DOCK2: variants seen among roughly 807,000 people sequenced by gnomAD.
The protein encoded by DOCK2 is dedicator of cytokinesis protein 2.
In DOCK2, 87 loss-of-function variants were observed where a neutral mutation model predicts 248.9. That is an observed-to-expected ratio of 0.35 (90% CI 0.29 to 0.42). The LOEUF (loss-of-function observed/expected upper bound fraction) is 0.42, where lower values mean the gene tolerates loss of function less well. DOCK2 is among the 10% of genes least tolerant of loss of function. The pLI is 1.00. For synonymous variants in DOCK2, 805 were observed against 821.6 expected (o/e 0.98, Z 0.35); for missense variants, 1,747 against 2,300.2 (o/e 0.76, Z 4.92).
intron 32 of DOCK2, among the ~76,000 whole-genome samples, chr5:170,013,849 C>A (rs143395084): frequency 6.6e-6 from 1 of 152,098 alleles, no homozygotes; most frequent in Non-Finnish European, 1.5e-5. Flanking sequence ...GGTTAAAACC[C>A]GAATCAGGTT....
At chr5:169,976,685 G>A (rs1777728935) in intron 27 of DOCK2, among the ~76,000 whole-genome samples, 1 of 152,202 alleles carries the variant, frequency 6.6e-6, no homozygotes, top group South Asian at 2.1e-4. Context: ...TGAAGAGTGT[G>A]TAATGAATTC....
At chr5:169,848,114 C>G (rs1770420112) in intron 27 of DOCK2, among the ~76,000 whole-genome samples, 1 of 152,160 alleles carries the variant, frequency 6.6e-6, no homozygotes, top group Admixed American at 6.5e-5. Context: ...AGAAAACTTG[C>G]TGCCAATTAT....
At chr5:169,820,070 T>C (rs1253010584) in intron 26 of DOCK2, among the ~76,000 whole-genome samples, 1 of 151,704 alleles carries the variant, frequency 6.6e-6, no homozygotes, top group Non-Finnish European at 1.5e-5. Flanking sequence ...GCGAGACTGG[T>C]GGAGGGGCGC....
At chr5:169,987,207 A>G (rs1778089534) in intron 29 of DOCK2, among the ~76,000 whole-genome samples, 1 of 152,200 alleles carries the variant, frequency 6.6e-6, no homozygotes, top group African/African-American at 2.4e-5. Context: ...TGTATTTTCA[A>G]CCACAATAGA....
chr5:169,811,540 C>G (rs982032876), intron 26 of DOCK2, among the ~76,000 whole-genome samples: 2 of 152,186 alleles, frequency 1.3e-5, no homozygotes, highest in Non-Finnish European at 2.9e-5. Context: ...CTGCTGTGAC[C>G]AAGGCTGCTT....
At chr5:169,783,611 T>G (rs1354787783) in intron 25 of DOCK2, among the ~76,000 whole-genome samples, 1 of 152,166 alleles carries the variant, frequency 6.6e-6, no homozygotes, top group East Asian at 1.9e-4. Flanking sequence ...ATTATCAGTT[T>G]GAAGTTAGAG....
intron 26 of DOCK2, among the ~76,000 whole-genome samples, chr5:169,833,181 CA>C (rs1438328551): frequency 1.3e-5 from 2 of 152,068 alleles, no homozygotes; most frequent in Non-Finnish European, 2.9e-5. Flanking sequence ...AAACCTTAGA[CA>C]TTTACATGAC....
intron 27 of DOCK2, among the ~76,000 whole-genome samples, chr5:169,912,531 A>G (rs1774656363): frequency 1.3e-5 from 2 of 152,188 alleles, no homozygotes; most frequent in Admixed American, 1.3e-4. Context: ...CCCTGTCTTA[A>G]TAACTACTCC....
chr5:169,714,523 C>A (rs1761793338), intron 19 of DOCK2, 66 bp downstream of exon 19: 9 of 1,570,672 alleles, frequency 5.7e-6, no homozygotes, highest in Non-Finnish European at 7.0e-6. Flanking sequence ...TGGGTGGCTT[C>A]AGGGGAAAAA....
At chr5:169,791,995 A>G (rs1766365216) in intron 25 of DOCK2, among the ~76,000 whole-genome samples, 1 of 152,204 alleles carries the variant, frequency 6.6e-6, no homozygotes, top group African/African-American at 2.4e-5. Context: ...TAATAAAGAG[A>G]TAAAAGTGTA....
chr5:169,802,526 T>G (rs1182325126), intron 25 of DOCK2, among the ~76,000 whole-genome samples: 3 of 152,124 alleles, frequency 2.0e-5, no homozygotes, highest in African/African-American at 7.2e-5. Flanking sequence ...TAAAAATAAC[T>G]AAGTTGGTCC....
chr5:170,050,285 A>T lies in DOCK2; in HGVS notation c.4101A>T (p.Glu1367Asp). 1 of 1,614,182 alleles carries T rather than the reference A, an allele frequency of 6.2e-7. No individual in the cohort carries two copies. Among genetic ancestry groups the T allele is most frequent in the Non-Finnish European group, 8.5e-7 (1 of 1,179,980 alleles). Residue 1367 changes from glutamate (E) to aspartate (D), a missense_variant, in exon 41 of 52, where the codon GAA (glutamate) becomes GAT (aspartate). By Grantham distance (45) the Glu-to-Asp change is conservative (BLOSUM62 2). Coordinates refer to ENST00000520908, the MANE Select transcript of DOCK2 (RefSeq NM_004946.3). ...RNKVFIYRGK[E>D]YERREDFQMQ... is the part of the protein sequence containing the mutation. ...AAGTGTTCATCTACCGCGGGAAGGA[A>T]TATGAGCGAAGAGAAGATTTCCAGA...
At chr5:169,731,533 T>C (rs196348) in intron 22 of DOCK2, among the ~76,000 whole-genome samples, 48,702 of 151,974 alleles carry the variant, frequency 0.32, 11,606 homozygotes, top group African/African-American at 0.66. Context: ...GTAAATGGCC[T>C]AGTCTCGGCT....
rs551571901 is a variant in DOCK2, at chr5:169,890,690, G to A, written c.2799+49838G>A. Among the ~76,000 whole-genome samples, 4 of 152,288 alleles carry A rather than the reference G, an allele frequency of 2.6e-5. No homozygotes were observed. In the South Asian group the frequency reaches 8.3e-4, roughly 32 times the overall value. ...TTGAGGAAAAAATTGGGCACCAAAA[G>A]GTGAGGTTAAGATCCAGACTTATAT... On this transcript the variant is annotated intron_variant, in intron 27 of 51. Coordinates refer to ENST00000520908, the MANE Select transcript of DOCK2 (RefSeq NM_004946.3).
chr5:169,683,066 C>A (rs1443563127), intron 7 of DOCK2, among the ~76,000 whole-genome samples: 1 of 152,152 alleles, frequency 6.6e-6, no homozygotes, highest in Non-Finnish European at 1.5e-5. Context: ...CAGTTCAGAG[C>A]TATTATACTA....
intron 20 of DOCK2, among the ~76,000 whole-genome samples, chr5:169,716,690 C>T (rs533729949): frequency 6.6e-6 from 1 of 152,312 alleles, no homozygotes; most frequent in East Asian, 1.9e-4. Context: ...CCATTTCCTC[C>T]AACTCACTAA....
intron 12 of DOCK2, 68 bp downstream of exon 12, chr5:169,699,526 G>C (rs1760836081): frequency 6.8e-7 from 1 of 1,479,206 alleles, no homozygotes; most frequent in Admixed American, 2.0e-5. Flanking sequence ...TTCAGCAAAT[G>C]AATCAAAATC....
At chr5:170,003,132 C>T (rs897149985) in intron 30 of DOCK2, among the ~76,000 whole-genome samples, 1 of 152,214 alleles carries the variant, frequency 6.6e-6, no homozygotes, top group Non-Finnish European at 1.5e-5. Flanking sequence ...ACAACCAATG[C>T]TACCATCAAC....
At chr5:169,711,909 T>C in intron 15 of DOCK2, 26 bp from the exon 16 acceptor site, 4 of 1,613,174 alleles carry the variant, frequency 2.5e-6, no homozygotes, top group Non-Finnish European at 3.4e-6. Flanking sequence ...CTCATTGTGT[T>C]CTGAGCTCTG....
Sources: allele counts gnomAD v4.1 joint callset (sites outside exome capture counted in the v4.1 genomes callset), GRCh38; gene constraint gnomAD v4.1.1; transcripts MANE v1.5; gene names NCBI Gene and HGNC (gene_info 2026-07-23, HGNC 2026-07-21).